The following KIF25 variants were observed in gnomAD, a reference collection of about 807,000 sequenced individuals.
The protein encoded by KIF25 is kinesin-like protein KIF25.
A neutral mutation model predicts 32.9 loss-of-function variants in KIF25; 19 were observed. The ratio of observed to expected loss-of-function variants is 0.58; its 90% CI spans 0.40 to 0.85. The LOEUF is 0.85. Among genes scored for constraint, KIF25 ranks in the 40% least tolerant of loss-of-function variants. KIF25 has a pLI of 0.00. For synonymous variants in KIF25, 225 were observed against 213.7 expected, an observed-to-expected ratio of 1.05 and a Z score of -0.46; for missense variants, 485 against 507.0, an observed-to-expected ratio of 0.96 and a Z score of 0.42.
intron 5 of KIF25, among the ~76,000 whole-genome samples, chr6:168,023,665 G>A (rs1044883054): frequency 2.0e-5 from 3 of 152,098 alleles, no homozygotes; most frequent in Admixed American, 6.6e-5. Flanking sequence ...GCCTCCCAAG[G>A]GCTAGGATTA....
chr6:168,003,020 C>A (rs978683583), intron 3 of KIF25, among the ~76,000 whole-genome samples: 2 of 152,188 alleles, frequency 1.3e-5, no homozygotes, highest in Non-Finnish European at 2.9e-5. Context: ...TGATAGGGAG[C>A]GGCTGTAATT....
intron 5 of KIF25, among the ~76,000 whole-genome samples, chr6:168,024,423 C>CTTTTTTTTTTTTTTTTTT (rs56243912): frequency 1.6e-5 from 1 of 61,940 alleles, no homozygotes; most frequent in Non-Finnish European, 2.8e-5. Context: ...AAACCTCTCT[C>CTTTTTTTTTTTTTTTTTT]TTTTTTTTTT....
intron 10 of KIF25, among the ~76,000 whole-genome samples, chr6:168,041,485 C>G (rs2267953): frequency 6.6e-6 from 1 of 152,078 alleles, no homozygotes; most frequent in East Asian, 1.9e-4. Flanking sequence ...ATTGTGTATA[C>G]TTTCTATGTT....
At chr6:168,037,024 T>C (rs1464900517) in intron 8 of KIF25, among the ~76,000 whole-genome samples, 1 of 152,170 alleles carries the variant, frequency 6.6e-6, no homozygotes, top group African/African-American at 2.4e-5. Flanking sequence ...AATGTGCCAC[T>C]GCACTTCAGC....
chr6:168,044,234 C>G (rs1799180794), intron 12 of KIF25, among the ~76,000 whole-genome samples: 1 of 147,222 alleles, frequency 6.8e-6, no homozygotes, highest in Non-Finnish European at 1.5e-5. Context: ...TGACCGGCTG[C>G]TGACCCTCCC....
chr6:168,024,683 C>T lies in KIF25; in HGVS notation c.-94-4809C>T, dbSNP rs143489337. Among the ~76,000 whole-genome samples the T allele has an allele frequency of 8.6e-3, 1,301 of 152,068 alleles. 23 individuals are homozygous for T. Among genetic ancestry groups the T allele is most frequent in the African/African-American group, 0.03 (1,246 of 41,490 alleles). On this transcript the variant is annotated intron_variant, in intron 5 of 12. Transcript: ENST00000643607. ...AGAAAGGAATGTTCGGGGCCGGGCA[C>T]GGTGGCTCACACCTGTAATCTCAGC... is the stretch of plus-strand genomic sequence containing the variant.
rs193281353 is a variant in KIF25, at chr6:167,997,906, G to T, written c.-1563G>T. Among the ~76,000 whole-genome samples the T allele has an allele frequency of 1.1e-3, 161 of 152,266 alleles. No individual in the cohort carries two copies. The highest frequency in any genetic ancestry group is 3.8e-3 in the African/African-American group (156 of 41,528). On this transcript the variant is annotated 5_prime_UTR_variant, in exon 1 of 13. An upstream open reading frame in the 5' UTR gains an earlier in-frame stop. Coordinates refer to ENST00000643607, the MANE Select transcript of KIF25 (RefSeq NM_030615.4). ...GAAGCTTCTCTTCCCTGGCCATGCC[G>T]AGAGGTTCTCCAGCTGTTAGATGTG...
chr6:168,043,568 T>A (rs773902315), intron 12 of KIF25, among the ~76,000 whole-genome samples: 20 of 152,206 alleles, frequency 1.3e-4, no homozygotes, highest in Non-Finnish European at 2.6e-4. Flanking sequence ...ACACGGTGAA[T>A]AACAGGGCTG....
At chr6:168,038,198 C>G (rs563205992) in intron 8 of KIF25, among the ~76,000 whole-genome samples, 6 of 152,298 alleles carry the variant, frequency 3.9e-5, no homozygotes, top group Non-Finnish European at 8.8e-5. Context: ...TGCAGCTTGC[C>G]TTGGGTGTCT....
At chr6:168,018,947 G>A (rs1477100989) in intron 5 of KIF25, among the ~76,000 whole-genome samples, 2 of 152,222 alleles carry the variant, frequency 1.3e-5, no homozygotes, top group East Asian at 1.9e-4. Context: ...AAGAACCACC[G>A]GGGAGGAGCC....
intron 4 of KIF25, among the ~76,000 whole-genome samples, chr6:168,004,163 C>T (rs967769247): frequency 2.0e-5 from 3 of 152,114 alleles, no homozygotes; most frequent in African/African-American, 7.2e-5. Flanking sequence ...GTACCAAGCC[C>T]ACTGCAGGAG....
Position 167,997,878 on chromosome 6 carries a change from T to C in KIF25, c.-1591T>C, listed in dbSNP as rs1446635302. On this transcript the variant is annotated 5_prime_UTR_variant, in exon 1 of 13. Coordinates refer to ENST00000643607, the MANE Select transcript of KIF25 (RefSeq NM_030615.4). ...CCGAGGCCCACGAAGCCAGTGTTCC[T>C]GCGAAGCTTCTCTTCCCTGGCCATG... 6.6e-6 allele frequency among the ~76,000 whole-genome samples: 1 copy of C among 152,174 alleles called. No individual in the cohort carries two copies. Among genetic ancestry groups the C allele is most frequent in the Admixed American group, 6.5e-5 (1 of 15,284 alleles).
At position 168,042,080 on chromosome 6, in the gene KIF25, A is replaced by T. The variant is rs114801535; in HGVS notation, c.758A>T (p.Asn253Ile). ...GALAPQLVPGNPAGHAEQVQA... is the reference protein window; with the variant it reads ...GALAPQLVPGIPAGHAEQVQA... ...TTGGCTCCACAGCTGGTTCCTGGGA[A>T]CCCCGCAGGGCATGCGGAGCAGGTG... Residue 253 changes from asparagine to isoleucine, a missense_variant, in exon 11 of 13, where the codon AAC becomes ATC. Asn to Ile is a moderately radical substitution (Grantham distance 149). Transcript: ENST00000643607. 4.5e-4 allele frequency: 702 copies of T among 1,551,214 alleles called. 4 individuals are homozygous for T. In the African/African-American group the frequency reaches 8.0e-3, roughly 18 times the overall value.
At chr6:168,004,670 G>A (rs762622281) in intron 4 of KIF25, among the ~76,000 whole-genome samples, 112 of 152,082 alleles carry the variant, frequency 7.4e-4, no homozygotes, top group Admixed American at 1.7e-3. Flanking sequence ...TGATGGGATC[G>A]TCACGATGAG....
chr6:168,023,635 C>T (rs1394770759), intron 5 of KIF25, among the ~76,000 whole-genome samples: 1 of 152,172 alleles, frequency 6.6e-6, no homozygotes, highest in Non-Finnish European at 1.5e-5. Context: ...CTCCTGAACT[C>T]AAGTAATCCA....
At chr6:168,018,608 G>T (rs531596911) in intron 5 of KIF25, among the ~76,000 whole-genome samples, 1 of 152,238 alleles carries the variant, frequency 6.6e-6, no homozygotes, top group Non-Finnish European at 1.5e-5. Context: ...CTAACAATAG[G>T]GCTTTCTGTC....
chr6:168,038,801 G>A, intron 9 of KIF25, 72 bp downstream of exon 9: 1 of 1,491,442 alleles, frequency 6.7e-7, no homozygotes, highest in Non-Finnish European at 9.2e-7. Flanking sequence ...ACCTGGTCAG[G>A]AGGCTGCACG....
At chr6:168,025,017 C>T (rs1340519447) in intron 5 of KIF25, among the ~76,000 whole-genome samples, 1 of 152,170 alleles carries the variant, frequency 6.6e-6, no homozygotes, top group Non-Finnish European at 1.5e-5. Context: ...TGCCACTGCA[C>T]TCCAGTCTGG....
At chr6:168,006,185 G>T (rs75685764) in intron 4 of KIF25, among the ~76,000 whole-genome samples, 1,812 of 152,038 alleles carry the variant, frequency 0.012, 2 homozygotes, top group Non-Finnish European at 0.02. Flanking sequence ...TGTGATGAAT[G>T]GCATGGTGAT....
Sources: allele counts gnomAD v4.1 joint callset (sites outside exome capture counted in the v4.1 genomes callset), GRCh38; gene constraint gnomAD v4.1.1; transcripts MANE v1.5; gene names NCBI Gene and HGNC (gene_info 2026-07-23, HGNC 2026-07-21).